ANKRD26: variants seen among roughly 807,000 people sequenced by gnomAD.
The protein encoded by ANKRD26 is ankyrin repeat domain-containing protein 26.
In ANKRD26, 141 loss-of-function variants were observed where a neutral mutation model predicts 208.7. That is an observed-to-expected ratio of 0.68 (90% CI 0.59 to 0.78). The LOEUF (loss-of-function observed/expected upper bound fraction) is 0.78. Among genes scored for constraint, ANKRD26 ranks in the 30% least tolerant of loss-of-function variants. The pLI is 0.00. For missense variants in ANKRD26, 1,889 were observed against 1,938.7 expected (o/e 0.97, Z 0.48); for synonymous variants, 636 against 660.4 (o/e 0.96, Z 0.57).
chr10:27,080,811 C>A, intron 6 of ANKRD26: 1 of 985,486 alleles, frequency 1.0e-6, no homozygotes, highest in Non-Finnish European at 1.2e-6. Context: ...CATCTGCCAG[C>A]AGCACAGGCA....
At chr10:26,978,588 A>T (rs2052260904) in intron 5 of ANKRD26, among the ~76,000 whole-genome samples, 1 of 152,204 alleles carries the variant, frequency 6.6e-6, no homozygotes, top group South Asian at 2.1e-4. Context: ...CCCAGCCAAG[A>T]GGTGCATCCT....
At chr10:27,029,572 T>C (rs150983000) in intron 25 of ANKRD26, among the ~76,000 whole-genome samples, 1 of 152,324 alleles carries the variant, frequency 6.6e-6, no homozygotes, top group Non-Finnish European at 1.5e-5. Flanking sequence ...TCTGGCCCTT[T>C]ACAGAAAAGT....
intron 18 of ANKRD26, chr10:27,046,139 A>G: frequency 1.9e-6 from 1 of 537,814 alleles, no homozygotes; most frequent in Non-Finnish European, 3.3e-6. Context: ...AGTTCTCTCA[A>G]ACGCCGTCTG....
intron 9 of ANKRD26, chr10:27,077,042 CA>C: frequency 2.7e-6 from 1 of 371,922 alleles, no homozygotes; most frequent in South Asian, 3.1e-5. Flanking sequence ...AAGGACATAA[CA>C]AAAAAAGAAA....
At chr10:27,026,558 G>C (rs1286848882) in intron 27 of ANKRD26, among the ~76,000 whole-genome samples, 1 of 152,132 alleles carries the variant, frequency 6.6e-6, no homozygotes, top group African/African-American at 2.4e-5. Context: ...TCTTCCTGTT[G>C]TGACTTAAAG....
intron 1 of ANKRD26, among the ~76,000 whole-genome samples, chr10:27,095,279 T>C (rs927136435): frequency 2.0e-5 from 3 of 152,226 alleles, no homozygotes; most frequent in Non-Finnish European, 4.4e-5. Flanking sequence ...TATGCAGATA[T>C]TTCCAATGAC....
intron 12 of ANKRD26, chr10:27,062,028 C>A (rs1178308685): frequency 1.0e-6 from 1 of 985,094 alleles, no homozygotes; most frequent in African/African-American, 1.7e-5. Context: ...GAAATGAGTT[C>A]TCTCAAGTTT....
At chr10:26,954,072 A>T in the ANKRD26 span, among the ~76,000 whole-genome samples, 1 of 152,156 alleles carries the variant, frequency 6.6e-6, no homozygotes, top group Non-Finnish European at 1.5e-5. Context: ...TTCTGGCGTG[A>T]ATGTTAAAAT....
At position 27,035,220 on chromosome 10, in the gene ANKRD26, T is replaced by C. The variant is rs768912820; in HGVS notation, c.3230A>G (p.Glu1077Gly). ...ATCTCTCGTGTGATGGAACTCAATT[T>C]CTAGGCTATTGAGTTTACTTTCAGT... ...FKTESKLNSL[E>G]IEFHHTRDAL... Residue 1077 changes from glutamate to glycine, a missense_variant, in exon 24 of 34, where the codon GAA (glutamate) becomes GGA (glycine). Physicochemically the swap from Glu to Gly is moderately conservative, Grantham distance 98. Transcript: ENST00000376087. The C allele has an allele frequency of 6.2e-7, 1 of 1,613,938 alleles. No homozygotes were observed. Among genetic ancestry groups the C allele is most frequent in the African/African-American group, 1.3e-5 (1 of 74,938 alleles).
intron 3 of ANKRD26, among the ~76,000 whole-genome samples, chr10:26,984,093 G>A (rs74128512): frequency 0.021 from 3,186 of 152,280 alleles, 176 homozygotes; most frequent in East Asian, 0.17. Flanking sequence ...TAGGAAAAGA[G>A]CATAAATAGC....
In ANKRD26 at chr10:27,035,858, A is replaced by G. The variant is rs931155559; in HGVS notation, c.2698-106T>C. ...TGTACATTTTACAATAAAGGGTTGC[A>G]ATAAGTGTATATCCAATTGAAAAAA... On this transcript the variant is annotated intron_variant, in intron 23 of 33. Transcript: ENST00000376087. 10 of 871,866 alleles carry G rather than the reference A, an allele frequency of 1.1e-5. No individual in the cohort carries two copies. In the African/African-American group the frequency reaches 1.2e-4, roughly 10 times the overall value. The allele number at this position is 871,866 out of a possible 1,614,324, so 54.0% of individuals were successfully genotyped here.
rs549583099 is a variant in ANKRD26, at chr10:26,984,836, C to T, written c.490-2023G>A. On this transcript the variant is annotated intron_variant and NMD_transcript_variant, in intron 3 of 5. Coordinates refer to the ANKRD26 transcript ENST00000674670. ...AGGACAGGTGAAAAGCCCCTATGAA[C>T]TTAGCCAATTGTGTTTTAATTATAC... Among the ~76,000 whole-genome samples, 616 of 152,204 alleles carry T rather than the reference C, an allele frequency of 4.0e-3. 1 individual carries two copies. Among genetic ancestry groups the T allele is most frequent in the Non-Finnish European group, 5.3e-3 (362 of 68,004 alleles).
chr10:27,046,762 T>C (rs1446135438), intron 17 of ANKRD26, among the ~76,000 whole-genome samples: 1 of 152,082 alleles, frequency 6.6e-6, no homozygotes, highest in African/African-American at 2.4e-5. Context: ...AAATGTATAT[T>C]CCCTGCTTCA....
intron 13 of ANKRD26, 32 bp downstream of exon 13, chr10:27,061,112 A>C (rs759846214): frequency 5.6e-6 from 8 of 1,429,616 alleles, no homozygotes; most frequent in Admixed American, 1.7e-5. Flanking sequence ...GTAGAATAAC[A>C]GTTAACAAAA....
At chr10:27,036,235 T>C (rs11015466) in intron 23 of ANKRD26, among the ~76,000 whole-genome samples, 13,003 of 152,094 alleles carry the variant, frequency 0.085, 678 homozygotes, top group African/African-American at 0.15. Flanking sequence ...CACATCTTTA[T>C]AGTCAGTTAT....
intron 5 of ANKRD26, among the ~76,000 whole-genome samples, chr10:27,084,237 A>G (rs2056035274): frequency 6.8e-6 from 1 of 146,032 alleles, no homozygotes; most frequent in Non-Finnish European, 1.5e-5. Flanking sequence ...AAAAAAAAAG[A>G]AAAAAGAAAT....
intron 31 of ANKRD26, among the ~76,000 whole-genome samples, chr10:27,013,699 T>G (rs2053195488): frequency 1.3e-5 from 2 of 152,192 alleles, no homozygotes; most frequent in African/African-American, 4.8e-5. Context: ...TTACATTTAT[T>G]TCACCCATTA....
chr10:27,014,589 A>C lies in ANKRD26; in HGVS notation c.4629T>G (p.Ser1543=). Residue 1543 remains serine (S), a synonymous_variant, in exon 31 of 34, where the codon TCT becomes TCG. Transcript: ENST00000376087. Reference sequence around the variant, plus strand: ...GTTCGGTTTTATTAAAGTCTTCTTGAGAAGTTTTTATTTTGGAGAGTTCAG... The same window carrying C: ...GTTCGGTTTTATTAAAGTCTTCTTGCGAAGTTTTTATTTTGGAGAGTTCAG... The part of the protein sequence containing the change: ...LESELSKIKT[S]QEDFNKTELE... 1 of 1,607,796 alleles carries C rather than the reference A, an allele frequency of 6.2e-7. No homozygotes were observed. Among genetic ancestry groups the C allele is most frequent in the Non-Finnish European group, 8.5e-7 (1 of 1,176,298 alleles).
chr10:27,064,928 C>T (rs2055187271), intron 11 of ANKRD26, among the ~76,000 whole-genome samples: 2 of 152,142 alleles, frequency 1.3e-5, no homozygotes, highest in Non-Finnish European at 2.9e-5. Flanking sequence ...ATTTTCTTTT[C>T]TATGCCCTAT....
Sources: gnomAD v4.1 joint callset for allele counts (sites outside exome capture counted in the v4.1 genomes callset) on GRCh38, gnomAD v4.1.1 for gene constraint, MANE v1.5 for transcripts, NCBI Gene and HGNC (gene_info 2026-07-23, HGNC 2026-07-21) for gene names.